The following VEPH1 variants were observed in gnomAD, a reference collection of about 807,000 sequenced individuals.
VEPH1 encodes ventricular zone-expressed PH domain-containing protein homolog 1.
In VEPH1, 80 loss-of-function variants were observed where a neutral mutation model predicts 85.2. The observed-to-expected ratio is 0.94, with a 90% confidence interval of 0.78 to 1.13. The LOEUF (loss-of-function observed/expected upper bound fraction) is 1.13. Among genes scored for constraint, VEPH1 ranks in the 50% most tolerant of loss-of-function variants. The pLI is 0.00. For missense variants in VEPH1, 955 were observed against 980.5 expected (o/e 0.97, Z 0.35); for synonymous variants, 297 against 348.0 (o/e 0.85, Z 1.63).
chr3:157,377,002 A>C (rs964337264), intron 7 of VEPH1, among the ~76,000 whole-genome samples: 1 of 152,206 alleles, frequency 6.6e-6, no homozygotes, highest in South Asian at 2.1e-4. Flanking sequence ...GACTGAAGTT[A>C]AATGGTCACA....
At chr3:157,358,774 G>C in intron 9 of VEPH1, among the ~76,000 whole-genome samples, 1 of 152,158 alleles carries the variant, frequency 6.6e-6, no homozygotes, top group Non-Finnish European at 1.5e-5. Context: ...GAGATGGGCG[G>C]ATCACGAGGT....
intron 5 of VEPH1, among the ~76,000 whole-genome samples, chr3:157,421,092 G>A (rs1425452347): frequency 6.6e-6 from 1 of 152,206 alleles, no homozygotes; most frequent in Non-Finnish European, 1.5e-5. Context: ...CAAGGATAGT[G>A]TCCTGAAAAG....
chr3:157,479,497 G>A (rs148645987), intron 2 of VEPH1, among the ~76,000 whole-genome samples: 28 of 152,300 alleles, frequency 1.8e-4, no homozygotes, highest in African/African-American at 6.3e-4. Flanking sequence ...TTCAGGGAAT[G>A]GCCCACTGGC....
At chr3:157,297,493 A>G (rs1367625450) in intron 11 of VEPH1, among the ~76,000 whole-genome samples, 1 of 152,206 alleles carries the variant, frequency 6.6e-6, no homozygotes, top group Non-Finnish European at 1.5e-5. Context: ...TAATGGTGCA[A>G]TGAGATGCAT....
intron 9 of VEPH1, among the ~76,000 whole-genome samples, chr3:157,318,682 G>A (rs984913055): frequency 3.4e-5 from 5 of 148,558 alleles, no homozygotes; most frequent in Admixed American, 6.8e-5. Context: ...AAGAAAGAAA[G>A]AAAATTAATA....
At chr3:157,372,855 C>A (rs1468563811) in intron 7 of VEPH1, among the ~76,000 whole-genome samples, 1 of 152,172 alleles carries the variant, frequency 6.6e-6, no homozygotes. Flanking sequence ...TGTTAAATTG[C>A]TATAAAAGTT....
rs1286266454 is a variant in VEPH1 at position 157,265,616 on chromosome 3, C to T, written c.2175G>A (p.Glu725=). The change falls in exon 13 of 14, where the codon GAG becomes GAA. Residue 725 remains glutamate (E), a synonymous_variant. Coordinates refer to ENST00000362010, the MANE Select transcript of VEPH1 (RefSeq NM_001167912.2). The part of the protein sequence containing the change: ...GQPLIEGKLK[E]KQVRWKFIKR... ...TGATGAACTTCCATCTGACTTGCTT[C>T]TCTTTAAGTTTTCCTTCTATGAGAG... is the stretch of plus-strand genomic sequence containing the variant. 1 of 1,613,676 alleles carries T rather than the reference C, an allele frequency of 6.2e-7. No individual in the cohort carries two copies. The highest frequency in any genetic ancestry group is 1.1e-5 in the South Asian group (1 of 91,032).
At chr3:157,292,784 C>T (rs1846849) in intron 11 of VEPH1, among the ~76,000 whole-genome samples, 6,230 of 136,800 alleles carry the variant, frequency 0.046, 156 homozygotes, top group South Asian at 0.11. Context: ...GAGTTCAAGA[C>T]CAGATGATGA....
intron 2 of VEPH1, among the ~76,000 whole-genome samples, chr3:157,491,143 T>C (rs552214006): frequency 1.6e-3 from 250 of 152,288 alleles, no homozygotes; most frequent in African/African-American, 5.7e-3. Flanking sequence ...TTGGTTACCT[T>C]GGGAGGCATG....
At chr3:157,401,607 G>A (rs1025279384) in intron 6 of VEPH1, among the ~76,000 whole-genome samples, 1 of 152,248 alleles carries the variant, frequency 6.6e-6, no homozygotes, top group South Asian at 2.1e-4. Context: ...TTGCAAAAGT[G>A]TAAACCTTGC....
At chr3:157,409,603 T>C in intron 6 of VEPH1, 2 of 984,888 alleles carry the variant, frequency 2.0e-6, no homozygotes, top group African/African-American at 1.7e-5. Context: ...TTGTTTTATA[T>C]ATACAACTCT....
At chr3:157,495,534 A>G in intron 1 of VEPH1, 28 bp from the exon 2 acceptor site, 1 of 1,383,568 alleles carries the variant, frequency 7.2e-7, no homozygotes, top group Non-Finnish European at 9.4e-7. Context: ...GACACAATGT[A>G]GCCACTGGCA....
intron 2 of VEPH1, among the ~76,000 whole-genome samples, chr3:157,473,631 A>G (rs1329853239): frequency 6.6e-6 from 1 of 152,196 alleles, no homozygotes; most frequent in Non-Finnish European, 1.5e-5. Context: ...TTTATGGTCC[A>G]GAAAAACAAA....
intron 4 of VEPH1, chr3:157,438,035 G>GCGCA: frequency 1.4e-6 from 1 of 701,790 alleles, no homozygotes. Flanking sequence ...GCGCGCGCGC[G>GCGCA]CGCACACACA....
At chr3:157,386,250 C>CAAAAAAAAAAAA (rs71302265) in intron 6 of VEPH1, among the ~76,000 whole-genome samples, 4 of 38,488 alleles carry the variant, frequency 1.0e-4, no homozygotes, top group African/African-American at 3.8e-4. Context: ...AATGGTTCCA[C>CAAAAAAAAAAAA]AAAAAAAAAA....
intron 9 of VEPH1, among the ~76,000 whole-genome samples, chr3:157,355,185 T>C (rs1189078983): frequency 6.6e-6 from 1 of 152,248 alleles, no homozygotes; most frequent in Non-Finnish European, 1.5e-5. Flanking sequence ...ACCGTGTTCC[T>C]TTTCTGCAGA....
intron 4 of VEPH1, among the ~76,000 whole-genome samples, chr3:157,457,021 C>T (rs1039045083): frequency 6.6e-6 from 1 of 151,924 alleles, no homozygotes; most frequent in African/African-American, 2.4e-5. Context: ...AATATTTTTC[C>T]ATTTGTTTGT....
chr3:157,364,574 T>G, intron 7 of VEPH1, 62 bp from the exon 8 acceptor site: 1 of 1,494,566 alleles, frequency 6.7e-7, no homozygotes, highest in East Asian at 2.3e-5. Context: ...AACAGTGTTA[T>G]TCTCTATTTA....
intron 6 of VEPH1, among the ~76,000 whole-genome samples, chr3:157,404,065 T>G (rs890108023): frequency 2.0e-5 from 3 of 152,200 alleles, no homozygotes; most frequent in Non-Finnish European, 2.9e-5. Context: ...CCATAACTGT[T>G]GACTGGAACC....
Sources: gnomAD v4.1 joint callset for allele counts (sites outside exome capture counted in the v4.1 genomes callset) on GRCh38, gnomAD v4.1.1 for gene constraint, MANE v1.5 for transcripts, NCBI Gene and HGNC (gene_info 2026-07-23, HGNC 2026-07-21) for gene names.